Variants in FSD2 observed in about 807,000 individuals in gnomAD.
FSD2 encodes fibronectin type III and SPRY domain containing 2, also known as fibronectin type III and SPRY domain-containing protein 2.
Under a neutral mutation model 80.4 loss-of-function variants are expected in FSD2, and 71 were observed. That is an observed-to-expected ratio of 0.88 (90% CI 0.73 to 1.08). The LOEUF (loss-of-function observed/expected upper bound fraction) is 1.08, where lower values mean the gene tolerates loss of function less well. FSD2 is among the 50% of genes least tolerant of loss of function. FSD2 has a pLI of 0.00. For synonymous variants in FSD2, 361 were observed against 329.5 expected (o/e 1.10, Z -1.03); for missense variants, 923 against 913.8 (o/e 1.01, Z -0.13).
rs752594177 is a variant in FSD2 at position 82,762,166 on chromosome 15, T to C, written c.1933A>G (p.Lys645Glu). The change falls in exon 12 of 13, where the codon AAA becomes GAA. Residue 645 changes from lysine to glutamate, a missense_variant. Transcript: ENST00000334574. ...CAATTTGCTCCCAGATCCTCCTGTT[T>C]ACGGACATCTGCAAAGGCCACACCA... The part of the protein sequence containing the change: ...RVGVAFADVR[K>E]QEDLGANCLS... The C allele has an allele frequency of 1.9e-5, 31 of 1,613,178 alleles. No homozygotes were observed. Among genetic ancestry groups the C allele is most frequent in the Non-Finnish European group, 2.6e-5 (31 of 1,179,564 alleles).
Position 82,802,696 on chromosome 15 carries a change from C to A in FSD2, c.-79+3270G>T, listed in dbSNP as rs949522639. Among the ~76,000 whole-genome samples, 3 of 152,274 alleles carry A rather than the reference C, an allele frequency of 2.0e-5. No homozygotes were observed. The South Asian group carries it at 6.2e-4, about 32-fold the overall frequency. ...GCCTCTTATCAGCCAGCAACAGCAG[C>A]AGCAGGTCTCCCCAGCTTAGGAGCA... On this transcript the variant is annotated intron_variant, in intron 1 of 12. Coordinates refer to ENST00000334574, the MANE Select transcript of FSD2 (RefSeq NM_001007122.4).
At chr15:82,770,264 C>T (rs987922114) in intron 7 of FSD2, among the ~76,000 whole-genome samples, 1 of 152,190 alleles carries the variant, frequency 6.6e-6, no homozygotes, top group Non-Finnish European at 1.5e-5. Context: ...CCCCAGCTGC[C>T]CAAGTCCTCC....
intron 10 of FSD2, among the ~76,000 whole-genome samples, 157 bp downstream of exon 10, chr15:82,765,741 G>A (rs373840263): frequency 5.4e-4 from 82 of 152,264 alleles, no homozygotes; most frequent in African/African-American, 1.9e-3. Flanking sequence ...TTGCAATTAG[G>A]GCAGTATGGG....
At position 82,761,326 on chromosome 15, in the gene FSD2, T is replaced by C. The variant is rs377412432; in HGVS notation, c.1997+776A>G. 1.3e-4 allele frequency among the ~76,000 whole-genome samples: 20 copies of C among 152,308 alleles called. 1 individual carries two copies. In the East Asian group the frequency reaches 1.9e-3, roughly 15 times the overall value. On this transcript the variant is annotated intron_variant, in intron 12 of 12. Transcript: ENST00000334574. ...ATGGCCTTCTAAGTCTGAAAGTGTA[T>C]TCATTGGCCTGGGCTTCGTGAGACT...
intron 3 of FSD2, among the ~76,000 whole-genome samples, chr15:82,784,849 C>T (rs1018503852): frequency 6.6e-6 from 1 of 152,172 alleles, no homozygotes; most frequent in African/African-American, 2.4e-5. Flanking sequence ...TGGTTGACCT[C>T]ATCTGGAAGG....
At chr15:82,782,726 C>G (rs2049897754) in intron 4 of FSD2, 69 bp downstream of exon 4, 3 of 1,332,478 alleles carry the variant, frequency 2.3e-6, no homozygotes, top group South Asian at 1.3e-5. Context: ...TCAACCATAA[C>G]TGTCGTTTCC....
intron 3 of FSD2, 28 bp downstream of exon 3, chr15:82,786,483 C>G: frequency 6.6e-7 from 1 of 1,522,294 alleles, no homozygotes; most frequent in Non-Finnish European, 9.1e-7. Context: ...AAATGTGAGT[C>G]TGATGAGGTC....
At position 82,759,102 on chromosome 15, in the gene FSD2, G is replaced by A. The variant is rs117998650; in HGVS notation, c.*246C>T. 148 of 467,350 alleles carry A rather than the reference G, an allele frequency of 3.2e-4. 1 individual carries two copies. The highest frequency in any genetic ancestry group is 2.9e-3 in the East Asian group (80 of 27,366). The allele number at this position is 467,350 out of a possible 1,614,324, so 29.0% of individuals were successfully genotyped here. A position where few individuals can be genotyped will look rare whatever the true frequency, so the allele number is the denominator to read the frequency against. The stretch of plus-strand genomic sequence containing the variant: ...GACAGCTTCAAAGACTTTTGAGTTC[G>A]TTTAGTCTGAGCCTTTATTTTACAG... On this transcript the variant is annotated 3_prime_UTR_variant, in exon 13 of 13. Coordinates refer to ENST00000334574, the MANE Select transcript of FSD2 (RefSeq NM_001007122.4).
At chr15:82,799,848 C>G (rs924914375) in intron 1 of FSD2, among the ~76,000 whole-genome samples, 1 of 152,138 alleles carries the variant, frequency 6.6e-6, no homozygotes. Flanking sequence ...CTAAATGGTG[C>G]CTATTCTGCT....
rs758812307 is a variant in FSD2, at chr15:82,762,088, A to C, written c.1997+14T>G. The C allele has an allele frequency of 1.9e-6, 3 of 1,559,722 alleles. No homozygotes were observed. Among genetic ancestry groups the C allele is most frequent in the South Asian group, 1.2e-5 (1 of 83,378 alleles). On this transcript the variant is annotated intron_variant, in intron 12 of 12. Coordinates refer to ENST00000334574, the MANE Select transcript of FSD2 (RefSeq NM_001007122.4). ...AAGCAAATTTTAATTGTGAGTATCC[A>C]GATTTTACTTTACCTTGATGATGCA...
At chr15:82,782,395 G>A (rs151161672) in intron 4 of FSD2, among the ~76,000 whole-genome samples, 1,574 of 152,166 alleles carry the variant, frequency 0.01, 22 homozygotes, top group African/African-American at 0.036. Flanking sequence ...GTGAGACTCC[G>A]TCTCAAAAAA....
At chr15:82,790,544 T>TTGTGTGTGTGTGTG (rs57545404) in intron 1 of FSD2, among the ~76,000 whole-genome samples, 12,056 of 148,670 alleles carry the variant, frequency 0.081, 496 homozygotes, top group East Asian at 0.16. Flanking sequence ...GAGCTGCCAT[T>TTGTGTGTGTGTGTG]TGTGTGTGTG....
At position 82,769,041 on chromosome 15, in the gene FSD2, G is replaced by C. The variant is rs188594963; in HGVS notation, c.1403-11C>G. On this transcript the variant is annotated splice_polypyrimidine_tract_variant and intron_variant, in intron 8 of 12. Transcript: ENST00000334574. ...TGGGGGGAGAAGGTGCTAAATGTGG[G>C]AGAAAGGGAGAGATGAACAACTGTT... 23 of 1,554,566 alleles carry C rather than the reference G, an allele frequency of 1.5e-5. No homozygotes were observed. The East Asian group carries it at 5.4e-4, about 36-fold the overall frequency.
chr15:82,765,456 G>A (rs534628733), intron 10 of FSD2, among the ~76,000 whole-genome samples, 158 bp from the exon 11 acceptor site: 104 of 152,198 alleles, frequency 6.8e-4, no homozygotes, highest in African/African-American at 2.4e-3. Context: ...GACACTCATC[G>A]GGCAGTCTTG....
At chr15:82,772,324 C>T in intron 6 of FSD2, 96 bp from the exon 7 acceptor site, 1 of 1,278,518 alleles carries the variant, frequency 7.8e-7, no homozygotes, top group South Asian at 1.4e-5. Context: ...CCAATGAATC[C>T]ACAGCCTTTG....
intron 3 of FSD2, among the ~76,000 whole-genome samples, chr15:82,784,683 T>G (rs1392236016): frequency 6.6e-6 from 1 of 152,184 alleles, no homozygotes; most frequent in South Asian, 2.1e-4. Flanking sequence ...CCTTGTAAGA[T>G]TGGGGCTGGA....
At position 82,786,775 on chromosome 15, in the gene FSD2, T is replaced by C. The variant is rs751655364; in HGVS notation, c.616A>G (p.Asn206Asp). Reference protein sequence around the residue: ...EHKEHEVIPLNEALESAKDEI... With the variant: ...EHKEHEVIPLDEALESAKDEI... Reference sequence around the variant, plus strand: ...ACCTTGGCACTTTCCAGTGCTTCATTGAGTGGGATCACTTCATGCTCCTTA... The same window carrying C: ...ACCTTGGCACTTTCCAGTGCTTCATCGAGTGGGATCACTTCATGCTCCTTA... Residue 206 changes from asparagine to aspartate, a missense_variant, in exon 2 of 13, where the codon AAT becomes GAT. Asn to Asp is a conservative substitution (Grantham distance 23, BLOSUM62 1). Coordinates refer to ENST00000334574, the MANE Select transcript of FSD2 (RefSeq NM_001007122.4). 3.1e-6 allele frequency: 5 copies of C among 1,613,828 alleles called. No individual in the cohort carries two copies. In the South Asian group the frequency reaches 5.5e-5, roughly 18 times the overall value.
intron 3 of FSD2, among the ~76,000 whole-genome samples, chr15:82,783,780 T>C (rs2049930052): frequency 6.6e-6 from 1 of 152,110 alleles, no homozygotes; most frequent in South Asian, 2.1e-4. Context: ...ATCATACAAA[T>C]ATCAAGATTA....
At chr15:82,771,279 A>G (rs1353226375) in intron 7 of FSD2, among the ~76,000 whole-genome samples, 3 of 152,130 alleles carry the variant, frequency 2.0e-5, no homozygotes, top group Non-Finnish European at 2.9e-5. Context: ...TCTGACTCTC[A>G]GTTTCCTCAT....
Sources: gnomAD v4.1 joint callset for allele counts (sites outside exome capture counted in the v4.1 genomes callset) on GRCh38, gnomAD v4.1.1 for gene constraint, MANE v1.5 for transcripts, NCBI Gene and HGNC (gene_info 2026-07-23, HGNC 2026-07-21) for gene names.